TAF7L: variants seen among roughly 807,000 people sequenced by gnomAD.
TAF7L encodes transcription initiation factor TFIID subunit 7-like.
In TAF7L, 6 loss-of-function variants were observed where a neutral mutation model predicts 30.2. That is an observed-to-expected ratio of 0.20 (90% CI 0.11 to 0.39). The LOEUF is 0.39. TAF7L is among the 10% of genes least tolerant of loss of function. The pLI is 1.00. For synonymous variants in TAF7L, 93 were observed against 94.5 expected (o/e 0.98, Z 0.09); for missense variants, 284 against 277.1 (o/e 1.03, Z -0.18).
chrX:101,276,584 T>C (rs1924194698), intron 9 of TAF7L, 56 bp from the exon 10 acceptor site: 1 of 1,121,027 alleles, frequency 8.9e-7, no homozygotes, highest in Non-Finnish European at 1.2e-6. Flanking sequence ...AAATGACTCA[T>C]ACTCCAGATA....
intron 2 of TAF7L, 21 bp downstream of exon 2, chrX:101,287,457 T>C: frequency 1.8e-6 from 2 of 1,121,515 alleles, no homozygotes; most frequent in Non-Finnish European, 2.4e-6. Flanking sequence ...AAGATATTTG[T>C]TCTGAGATAC....
Position 101,283,538 on chromosome X carries a change from G to A in TAF7L, c.191C>T (p.Ala64Val), listed in dbSNP as rs776137972. The A allele has an allele frequency of 5.0e-6, 6 of 1,211,624 alleles. No individual in the cohort carries two copies. In the South Asian group the frequency reaches 7.0e-5, roughly 14 times the overall value. Residue 64 changes from alanine to valine, a missense_variant, in exon 4 of 13, where the codon GCT becomes GTT. Ala to Val is a moderately conservative substitution (Grantham distance 64). Coordinates refer to ENST00000356784, the MANE Select transcript of TAF7L (RefSeq NM_001168474.2). ...ACAAGGCAAGTCAACCAGCTTAGCA[G>A]CTAGTGGGACATCTTCTACTTCAAC... Reference protein sequence around the residue: ...AVVEVEDVPLAAKLVDLPCVI... With the variant: ...AVVEVEDVPLVAKLVDLPCVI...
chrX:101,279,499 T>C (rs1193333420), intron 6 of TAF7L, among the ~76,000 whole-genome samples: 1 of 110,860 alleles, frequency 9.0e-6, no homozygotes, highest in African/African-American at 3.3e-5. Flanking sequence ...CCCATGCCTG[T>C]AATCCTGGCT....
At chrX:101,287,652 G>A (rs1486562361) in intron 1 of TAF7L, 107 bp from the exon 2 acceptor site, 34 of 546,420 alleles carry the variant, frequency 6.2e-5, no homozygotes, top group Non-Finnish European at 9.5e-5. Context: ...ACAAGATCTT[G>A]CCCATAATCC....
At position 101,291,218 on chromosome X, in the gene TAF7L, A is replaced by G. The variant is rs1924784617; in HGVS notation, c.-3+6T>C. 1 of 744,935 alleles carries G rather than the reference A, an allele frequency of 1.3e-6. No homozygotes were observed. The highest frequency in any genetic ancestry group is 1.6e-6 in the Non-Finnish European group (1 of 632,896). 61.4% of individuals were successfully genotyped at this position (744,935 alleles called of 1,213,427 possible). On this transcript the variant is annotated splice_donor_region_variant and intron_variant, in intron 1 of 12. Transcript: ENST00000356784. ...TCCCGGCCGCCCGGTCGGCCGCCCG[A>G]CTCACCCGCTCCTCCGGGAACTGGC...
chrX:101,285,756 T>C (rs1044803040), intron 3 of TAF7L, among the ~76,000 whole-genome samples: 2 of 111,409 alleles, frequency 1.8e-5, no homozygotes, highest in African/African-American at 6.5e-5. Context: ...TCTGTTCAGA[T>C]CCTTTGCCCA....
intron 3 of TAF7L, 84 bp from the exon 4 acceptor site, chrX:101,283,667 G>A: frequency 9.9e-7 from 1 of 1,011,008 alleles, no homozygotes; most frequent in Non-Finnish European, 1.4e-6. Flanking sequence ...GACTTATGTG[G>A]GACAGATTAG....
chrX:101,279,334 G>A (rs772918076), intron 6 of TAF7L, among the ~76,000 whole-genome samples: 17 of 112,047 alleles, frequency 1.5e-4, no homozygotes, highest in Admixed American at 2.9e-4. Context: ...AAAGATACAG[G>A]CTTTTGGCCA....
chrX:101,280,952 G>A (rs919994474), intron 6 of TAF7L, among the ~76,000 whole-genome samples: 1 of 111,891 alleles, frequency 8.9e-6, no homozygotes, highest in Non-Finnish European at 1.9e-5. Context: ...ATTACCAAGT[G>A]TCAGAGACTG....
rs964010347 is a variant in TAF7L at position 101,287,492 on chromosome X, A to G, written c.52T>C (p.Leu18=). The change falls in exon 2 of 13, where the codon TTG becomes CTG. Residue 18 remains leucine, a synonymous_variant. Coordinates refer to ENST00000356784, the MANE Select transcript of TAF7L (RefSeq NM_001168474.2). ...CAAGTTCTTACCAGAGGCAGACGCAATATAAACTGGTTCTCAACTTCATCA... is the reference window on the plus strand; with the variant it reads ...CAAGTTCTTACCAGAGGCAGACGCAGTATAAACTGGTTCTCAACTTCATCA... The part of the protein sequence containing the change: ...VPDEVENQFI[L]RLPLEHACTV... The G allele has an allele frequency of 2.1e-5, 25 of 1,204,154 alleles. No homozygotes were observed. The highest frequency in any genetic ancestry group is 2.8e-5 in the Non-Finnish European group (25 of 890,752).
In TAF7L at chrX:101,269,013, T is replaced by C. The variant is rs1004411798; in HGVS notation, c.*180A>G. 2 of 357,638 alleles carry C rather than the reference T, an allele frequency of 5.6e-6. No homozygotes were observed. The highest frequency in any genetic ancestry group is 1.0e-5 in the Non-Finnish European group (2 of 200,563). The allele number at this position is 357,638 out of a possible 1,213,427, so 29.5% of individuals were successfully genotyped here. A position where few individuals can be genotyped will look rare whatever the true frequency, so the allele number is the denominator to read the frequency against. On this transcript the variant is annotated 3_prime_UTR_variant, in exon 13 of 13. Coordinates refer to ENST00000356784, the MANE Select transcript of TAF7L (RefSeq NM_001168474.2). The stretch of plus-strand genomic sequence containing the variant: ...GGGGTCTTTAAGTCTACTACATTTT[T>C]ATACTGGCCTTTTCTACATGACTAC...
In TAF7L at chrX:101,276,021, T is replaced by A. The variant is rs1005201260; in HGVS notation, c.1005A>T (p.Lys335Asn). The A allele has an allele frequency of 3.3e-6, 4 of 1,194,320 alleles. No homozygotes were observed. The African/African-American group carries it at 7.1e-5, about 21-fold the overall frequency. The change falls in exon 11 of 13, where the codon AAA (lysine) becomes AAT (asparagine). Residue 335 changes from lysine to asparagine, a missense_variant. Coordinates refer to ENST00000356784, the MANE Select transcript of TAF7L (RefSeq NM_001168474.2). ...KAQRQKDLIM[K>N]VENLTLKNHF... ...TTACCTTGAGTGTCAGGTTTTCCAC[T>A]TTCATGATGAGATCCTTCTGTCTTT...
intron 5 of TAF7L, among the ~76,000 whole-genome samples, 168 bp from the exon 6 acceptor site, chrX:101,281,943 T>C (rs1381765703): frequency 1.9e-5 from 2 of 104,173 alleles, no homozygotes; most frequent in Non-Finnish European, 3.9e-5. Context: ...TGGAGTGCAG[T>C]GGTGCGAGCT....
Position 101,277,727 on chromosome X carries a change from G to C in TAF7L, c.578-8C>G, listed in dbSNP as rs1180605426. 8.8e-7 allele frequency: 1 copy of C among 1,138,073 alleles called. No homozygotes were observed. Among genetic ancestry groups the C allele is most frequent in the East Asian group, 3.0e-5 (1 of 33,186 alleles). 93.8% of individuals were successfully genotyped at this position (1,138,073 alleles called of 1,213,427 possible). Reference sequence around the variant, plus strand: ...CAGCAATGACTTCCCAACCTGAAAGGAGTGGGTAGTCAAGGAAAACACAGA... The same window carrying C: ...CAGCAATGACTTCCCAACCTGAAAGCAGTGGGTAGTCAAGGAAAACACAGA... On this transcript the variant is annotated splice_region_variant and splice_polypyrimidine_tract_variant and intron_variant, in intron 8 of 12. Transcript: ENST00000356784.
chrX:101,289,617 T>C (rs1924729398), intron 1 of TAF7L, among the ~76,000 whole-genome samples: 1 of 111,113 alleles, frequency 9.0e-6, no homozygotes, highest in African/African-American at 3.3e-5. Flanking sequence ...TTTGCTCTTG[T>C]TGACCCCAGG....
At position 101,276,116 on chromosome X, in the gene TAF7L, A is replaced by T; in HGVS notation, c.914-4T>A. The T allele has an allele frequency of 8.6e-7, 1 of 1,167,927 alleles. No homozygotes were observed. The highest frequency in any genetic ancestry group is 1.8e-5 in the African/African-American group (1 of 56,013). On this transcript the variant is annotated splice_polypyrimidine_tract_variant and splice_region_variant and intron_variant, in intron 10 of 12. Transcript: ENST00000356784. ...ATCTGCTTCTGAATTTCCATGACTA[A>T]TAGAGAAACATAGAACTTTATATAT...
intron 12 of TAF7L, 54 bp downstream of exon 12, chrX:101,275,168 G>A (rs1924113622): frequency 2.3e-6 from 2 of 884,395 alleles, no homozygotes; most frequent in East Asian, 3.2e-5. Context: ...GAATTGAAGT[G>A]GGGGATTCTC....
At chrX:101,284,174 A>G (rs1306148793) in intron 3 of TAF7L, among the ~76,000 whole-genome samples, 1 of 111,840 alleles carries the variant, frequency 8.9e-6, no homozygotes, top group Admixed American at 9.6e-5. Context: ...GAAAGATACA[A>G]AACAATGTTT....
chrX:101,291,906 C>A (rs1189689026), upstream of TAF7L, among the ~76,000 whole-genome samples: 2 of 101,847 alleles, frequency 2.0e-5, no homozygotes, highest in African/African-American at 7.2e-5. Context: ...ACCTTCAGGG[C>A]GCCAGAAGAT....
Sources: allele counts gnomAD v4.1 joint callset (sites outside exome capture counted in the v4.1 genomes callset), GRCh38; gene constraint gnomAD v4.1.1; transcripts MANE v1.5; gene names NCBI Gene and HGNC (gene_info 2026-07-23, HGNC 2026-07-21).